OPA1: variants seen among roughly 807,000 people sequenced by gnomAD.
OPA1 encodes the protein dynamin-like GTPase OPA1, mitochondrial.
A neutral mutation model predicts 152.9 loss-of-function variants in OPA1; 59 were observed. The ratio of observed to expected loss-of-function variants is 0.39; its 90% CI spans 0.31 to 0.48. OPA1 has a LOEUF of 0.48. Ranked by LOEUF, OPA1 falls within the 20% of genes least tolerant of loss-of-function variation. The pLI, the probability that OPA1 is intolerant of heterozygous loss-of-function variation, is 0.96. For synonymous variants in OPA1, 400 were observed against 389.9 expected, an observed-to-expected ratio of 1.03 and a Z score of -0.31; for missense variants, 1,008 against 1,216.8, an observed-to-expected ratio of 0.83 and a Z score of 2.55.
In OPA1 at chr3:193,615,684, A is replaced by T; in HGVS notation, c.362A>T (p.Gln121Leu). The change falls in exon 3 of 31, where the codon CAG (glutamine) becomes CTG (leucine). Residue 121 changes from glutamine (Q) to leucine (L), a missense_variant. Transcript: ENST00000361510. ...GGYTAKKTFDQWKDMIPDLSE... is the reference protein window; with the variant it reads ...GGYTAKKTFDLWKDMIPDLSE... The stretch of plus-strand genomic sequence containing the variant: ...TTTCTTGTCTTTTAGACTTTTGATC[A>T]GTGGAAAGATATGATACCGGACCTT... 1.9e-6 allele frequency: 3 copies of T among 1,600,370 alleles called. No individual in the cohort carries two copies. The highest frequency in any genetic ancestry group is 2.6e-6 in the Non-Finnish European group (3 of 1,167,560).
chr3:193,676,734 A>C (rs1280203726), intron 29 of OPA1, among the ~76,000 whole-genome samples: 1 of 152,110 alleles, frequency 6.6e-6, no homozygotes. Flanking sequence ...TAATCCCAGC[A>C]CTTTAGGAGG....
chr3:193,613,995 A>T (rs757607582), intron 1 of OPA1: 1 of 518,810 alleles, frequency 1.9e-6, no homozygotes, highest in South Asian at 1.4e-5. Flanking sequence ...GCAACTATGT[A>T]TGCAACTATG....
At chr3:193,624,164 G>C (rs1730647316) in intron 6 of OPA1, 1 of 152,300 alleles carries the variant, frequency 6.6e-6, no homozygotes, top group Admixed American at 6.5e-5. Flanking sequence ...GTGCCTTATA[G>C]ACGCGAGTGA....
At chr3:193,650,183 A>C (rs189043991) in intron 21 of OPA1, among the ~76,000 whole-genome samples, 6 of 152,204 alleles carry the variant, frequency 3.9e-5, no homozygotes, top group African/African-American at 1.4e-4. Flanking sequence ...TTTATTTAAT[A>C]CAAAGGTAAC....
chr3:193,637,807 C>T, intron 10 of OPA1, 145 bp from the exon 11 acceptor site: 1 of 718,332 alleles, frequency 1.4e-6, no homozygotes, highest in Non-Finnish European at 2.5e-6. Flanking sequence ...ATGCATCAAT[C>T]ACCATTTTTT....
intron 1 of OPA1, among the ~76,000 whole-genome samples, chr3:193,608,288 T>C (rs1356000036): frequency 6.6e-6 from 1 of 152,238 alleles, no homozygotes; most frequent in African/African-American, 2.4e-5. Flanking sequence ...CTTTTAATTG[T>C]GACGTTAGGG....
At chr3:193,612,274 T>TC (rs1302695919) in intron 1 of OPA1, among the ~76,000 whole-genome samples, 1 of 150,108 alleles carries the variant, frequency 6.7e-6, no homozygotes, top group African/African-American at 2.5e-5. Context: ...CTTCCTTTTT[T>TC]TTTTTTTTTT....
chr3:193,651,583 TC>T (rs1712460065), intron 21 of OPA1, among the ~76,000 whole-genome samples: 1 of 152,212 alleles, frequency 6.6e-6, no homozygotes, highest in Non-Finnish European at 1.5e-5. Flanking sequence ...AATTTATGTG[TC>T]CCATTTGGAA....
At chr3:193,691,819 A>G in intron 29 of OPA1, 1 of 400,548 alleles carries the variant, frequency 2.5e-6, no homozygotes, top group South Asian at 3.5e-5. Context: ...CCATGTTAAG[A>G]GTCCAGAGTT....
At chr3:193,610,374 G>A (rs1728011449) in intron 1 of OPA1, among the ~76,000 whole-genome samples, 1 of 152,216 alleles carries the variant, frequency 6.6e-6, no homozygotes, top group African/African-American at 2.4e-5. Context: ...AGCAGATGTT[G>A]CTGCCTGATC....
intron 21 of OPA1, among the ~76,000 whole-genome samples, chr3:193,653,012 T>G (rs1289063760): frequency 6.6e-6 from 1 of 152,174 alleles, no homozygotes; most frequent in East Asian, 1.9e-4. Context: ...AAAAAAGCCC[T>G]GGAGGTCAGA....
chr3:193,685,214 A>G (rs1720773826), intron 29 of OPA1, among the ~76,000 whole-genome samples: 1 of 151,914 alleles, frequency 6.6e-6, no homozygotes, highest in Non-Finnish European at 1.5e-5. Flanking sequence ...AGGCAGAAGA[A>G]TCATTTGAAA....
chr3:193,657,896 C>G (rs1437981497), intron 23 of OPA1, among the ~76,000 whole-genome samples: 1 of 152,062 alleles, frequency 6.6e-6, no homozygotes, highest in Non-Finnish European at 1.5e-5. Context: ...CAGGATTGAG[C>G]GATTTTCTGG....
chr3:193,677,316 A>C (rs1342744432), intron 29 of OPA1, among the ~76,000 whole-genome samples: 1 of 133,462 alleles, frequency 7.5e-6, no homozygotes, highest in Non-Finnish European at 1.6e-5. Flanking sequence ...TTTTCTTTAG[A>C]AAGAGTGTCA....
In OPA1 at chr3:193,642,819, G is replaced by T; in HGVS notation, c.1204G>T (p.Glu402Ter). The T allele has an allele frequency of 6.2e-7, 1 of 1,613,624 alleles. No homozygotes were observed. The highest frequency in any genetic ancestry group is 1.1e-5 in the South Asian group (1 of 91,024). ...HVALFKDSSR[E>*]FDLTKEEDLA... ...GGCCCTATTTAAAGATAGTTCTCGG[G>T]AGTTTGATCTTACCAAAGAAGAAGA... The change falls in exon 12 of 31, where the codon GAG (glutamate) becomes TAG (stop). Residue 402 changes from glutamate to a stop codon, truncating the protein, a stop_gained. Transcript: ENST00000361510. LOFTEE classifies it high-confidence loss of function.
intron 29 of OPA1, among the ~76,000 whole-genome samples, chr3:193,682,095 A>T (rs1347243400): frequency 6.6e-6 from 1 of 152,270 alleles, no homozygotes; most frequent in African/African-American, 2.4e-5. Flanking sequence ...GAAGGAAATT[A>T]AAAGTGTTAT....
intron 30 of OPA1, among the ~76,000 whole-genome samples, chr3:193,694,250 T>C (rs1309630670): frequency 6.6e-6 from 1 of 152,268 alleles, no homozygotes; most frequent in Non-Finnish European, 1.5e-5. Flanking sequence ...TGCTTCATTC[T>C]GACCATTTTA....
chr3:193,609,683 C>T (rs371977935), intron 1 of OPA1, among the ~76,000 whole-genome samples: 2 of 152,180 alleles, frequency 1.3e-5, no homozygotes, highest in African/African-American at 2.4e-5. Flanking sequence ...ACCAATCAGA[C>T]GTAGATTTGG....
intron 19 of OPA1, 65 bp from the exon 20 acceptor site, chr3:193,648,005 C>A: frequency 1.8e-6 from 2 of 1,139,426 alleles, no homozygotes; most frequent in South Asian, 1.2e-5. Context: ...GTATTTTAAC[C>A]ACTTTAACCA....
Sources: gnomAD v4.1 joint callset for allele counts (sites outside exome capture counted in the v4.1 genomes callset) on GRCh38, gnomAD v4.1.1 for gene constraint, MANE v1.5 for transcripts, NCBI Gene and HGNC (gene_info 2026-07-23, HGNC 2026-07-21) for gene names.